Variants in UNK observed in about 807,000 individuals in gnomAD.
The protein encoded by UNK is RING finger protein unkempt homolog.
Under a neutral mutation model 97.6 loss-of-function variants are expected in UNK, and 32 were observed. That is an observed-to-expected ratio of 0.33 (90% CI 0.25 to 0.44). The LOEUF is 0.44. UNK is among the 20% of genes least tolerant of loss of function. The probability of loss-of-function intolerance (pLI) is 1.00; values close to 1 mark genes in which losing one functional copy is unlikely to be tolerated. For synonymous variants in UNK, 441 were observed against 461.2 expected (o/e 0.96, Z 0.56); for missense variants, 771 against 1,098.4 (o/e 0.70, Z 4.21).
Position 75,817,825 on chromosome 17 carries a change from C to G in UNK, c.1306-278C>G, listed in dbSNP as rs2062030771. Among the ~76,000 whole-genome samples, 1 of 152,034 alleles carries G rather than the reference C, an allele frequency of 6.6e-6. No homozygotes were observed. The highest frequency in any genetic ancestry group is 2.1e-4 in the South Asian group (1 of 4,832). Reference sequence around the variant, plus strand: ...AACTGCCTTCATGGAAAGACAGGGCCTGGGGAAGCAGGACACAGGGGTCCC... The same window carrying G: ...AACTGCCTTCATGGAAAGACAGGGCGTGGGGAAGCAGGACACAGGGGTCCC... On this transcript the variant is annotated intron_variant, in intron 9 of 15. Transcript: ENST00000589666. The surrounding 1 kb of genome is among the most constrained non-coding windows in gnomAD (Gnocchi z 5.8).
intron 13 of UNK, chr17:75,821,766 G>A: frequency 2.2e-6 from 1 of 455,920 alleles, no homozygotes; most frequent in South Asian, 1.6e-5. Flanking sequence ...GGGGGCCAGA[G>A]CAGGGGGACC....
chr17:75,797,427 G>C (rs1378277692), intron 1 of UNK, among the ~76,000 whole-genome samples: 1 of 152,214 alleles, frequency 6.6e-6, no homozygotes. Flanking sequence ...TAGAGATGGG[G>C]TTTCCCCATG....
intron 1 of UNK, among the ~76,000 whole-genome samples, chr17:75,800,816 A>G (rs1272707109): frequency 2.0e-5 from 3 of 152,092 alleles, no homozygotes; most frequent in Non-Finnish European, 4.4e-5. Flanking sequence ...CTGCTTGTGC[A>G]CTTCAACTAC....
At chr17:75,789,399 C>T (rs909192977) in intron 1 of UNK, among the ~76,000 whole-genome samples, 11 of 152,044 alleles carry the variant, frequency 7.2e-5, no homozygotes, top group South Asian at 2.1e-4. Context: ...TGCAGTGGCG[C>T]GATCTCGGCT....
Position 75,820,086 on chromosome 17 carries a change from C to G in UNK, c.1815C>G (p.Thr605=). ...AGTCGGAAAACACATTTTTGGGAAC[C>G]TCAGCATCACATGGATCTTTGGGTA... ...LSQSENTFLG[T]SASHGSLGLN... Residue 605 remains threonine (T), a synonymous_variant, in exon 13 of 16, where the codon ACC becomes ACG. Coordinates refer to ENST00000589666, the MANE Select transcript of UNK (RefSeq NM_001080419.3). 6.2e-7 allele frequency: 1 copy of G among 1,612,400 alleles called. No individual in the cohort carries two copies. Among genetic ancestry groups the G allele is most frequent in the South Asian group, 1.1e-5 (1 of 90,842 alleles).
chr17:75,796,049 AG>A (rs1297774621), intron 1 of UNK, among the ~76,000 whole-genome samples: 3 of 152,180 alleles, frequency 2.0e-5, no homozygotes, highest in South Asian at 2.1e-4. Flanking sequence ...CAGGTGCGGT[AG>A]GGAGTTTCAT....
In UNK at chr17:75,813,188, C is replaced by T. The variant is rs1239407979; in HGVS notation, c.733C>T (p.Arg245Trp). Residue 245 changes from arginine (R) to tryptophan (W), a missense_variant, in exon 5 of 16, where the codon CGG becomes TGG. Arg to Trp is a moderately radical substitution (Grantham distance 101, BLOSUM62 -3). This residue lies in a region of UNK where 246 missense variants were observed against 440.7 expected (regional missense o/e 0.56). Transcript: ENST00000589666. Reference sequence around the variant, plus strand: ...CTACCACAACAGCAAGGACCGGCGGCGGAGCCCCCGGAAGCACAAATACAG... The same window carrying T: ...CTACCACAACAGCAAGGACCGGCGGTGGAGCCCCCGGAAGCACAAATACAG... ...PYYHNSKDRR[R>W]SPRKHKYRSS... The T allele has an allele frequency of 6.3e-7, 1 of 1,588,010 alleles. No homozygotes were observed.
chr17:75,807,821 T>G (rs1308599332), intron 1 of UNK, among the ~76,000 whole-genome samples: 1 of 151,382 alleles, frequency 6.6e-6, no homozygotes, highest in Non-Finnish European at 1.5e-5. Flanking sequence ...ACTCCAGACC[T>G]CAGGTGATCC....
At chr17:75,789,484 C>T (rs544733862) in intron 1 of UNK, among the ~76,000 whole-genome samples, 2 of 152,094 alleles carry the variant, frequency 1.3e-5, no homozygotes, top group East Asian at 3.9e-4. Flanking sequence ...GTACAGGCGC[C>T]CGCCACCATG....
At chr17:75,809,362 C>A in intron 1 of UNK, among the ~76,000 whole-genome samples, 1 of 152,208 alleles carries the variant, frequency 6.6e-6, no homozygotes, top group East Asian at 1.9e-4. Context: ...GGCAGGTGGA[C>A]CTGGGTAGCA....
In UNK at chr17:75,818,565, A is replaced by G; in HGVS notation, c.1372-77A>G. 6.7e-7 allele frequency: 1 copy of G among 1,483,822 alleles called. No individual in the cohort carries two copies. The highest frequency in any genetic ancestry group is 9.0e-7 in the Non-Finnish European group (1 of 1,105,678). The allele number at this position is 1,483,822 out of a possible 1,614,324, so 91.9% of individuals were successfully genotyped here. On this transcript the variant is annotated intron_variant, in intron 10 of 15. Transcript: ENST00000589666. This position sits in a 1 kb window ranked among gnomAD's most constrained non-coding sequence, Gnocchi z 5.1. ...AGCACGGGCCATTTCCCTTGCCCCCAGCCCCTCTCCAGCCTCTCGTCCTGG... is the reference window on the plus strand; with the variant it reads ...AGCACGGGCCATTTCCCTTGCCCCCGGCCCCTCTCCAGCCTCTCGTCCTGG...
At chr17:75,808,811 A>T (rs1449612022) in intron 1 of UNK, 1 of 152,322 alleles carries the variant, frequency 6.6e-6, no homozygotes, top group Non-Finnish European at 1.5e-5. Flanking sequence ...AGGGGAGCCC[A>T]GTCTAGGAGA....
intron 1 of UNK, among the ~76,000 whole-genome samples, chr17:75,799,205 G>A (rs1221959385): frequency 1.3e-5 from 2 of 152,062 alleles, no homozygotes; most frequent in Non-Finnish European, 2.9e-5. Context: ...CCAACTACTC[G>A]GGAGGCTGAG....
At chr17:75,810,617 T>TC (rs1296943345) in intron 2 of UNK, among the ~76,000 whole-genome samples, 3 of 152,158 alleles carry the variant, frequency 2.0e-5, no homozygotes, top group Non-Finnish European at 4.4e-5. Flanking sequence ...TCTCCCTCTT[T>TC]CCCCCAGGCT....
chr17:75,789,242 A>C (rs2061740945), intron 1 of UNK, among the ~76,000 whole-genome samples: 1 of 152,176 alleles, frequency 6.6e-6, no homozygotes, highest in African/African-American at 2.4e-5. Context: ...TTATGTCAGA[A>C]GTTCCTTTAT....
At chr17:75,804,364 G>A (rs576626372) in intron 1 of UNK, among the ~76,000 whole-genome samples, 134 of 151,460 alleles carry the variant, frequency 8.8e-4, no homozygotes, top group Non-Finnish European at 1.5e-3. Context: ...CTGAGGCAGG[G>A]GAATCGCTTG....
At chr17:75,809,480 C>T (rs2061948791) in intron 1 of UNK, among the ~76,000 whole-genome samples, 1 of 152,240 alleles carries the variant, frequency 6.6e-6, no homozygotes, top group Admixed American at 6.5e-5. Context: ...GAGAACCAAG[C>T]TGCTGATTAA....
At chr17:75,792,785 T>C (rs938421918) in intron 1 of UNK, 2 of 152,330 alleles carry the variant, frequency 1.3e-5, no homozygotes, top group African/African-American at 2.4e-5. Flanking sequence ...ACCACTGAAA[T>C]GTACAAGTGG....
At position 75,785,089 on chromosome 17, in the gene UNK, C is replaced by T. The variant is rs114424860; in HGVS notation, c.104+105C>T. The T allele has an allele frequency of 1.3e-3, 992 of 735,310 alleles. 8 individuals are homozygous for T. The African/African-American group carries it at 0.016, about 12-fold the overall frequency. 45.5% of individuals were successfully genotyped at this position (735,310 alleles called of 1,614,324 possible). ...CGCGAGGCGGCCTCTTCCTCCCCCC[C>T]TTCCTCCTCCGGCCCGGCCCAGACC... On this transcript the variant is annotated intron_variant, in intron 1 of 15. Transcript: ENST00000589666.
Sources: gnomAD v4.1 joint callset for allele counts (sites outside exome capture counted in the v4.1 genomes callset) on GRCh38, gnomAD v4.1.1 for gene constraint, gnomAD v4.1.1 regional missense constraint, Gnocchi (gnomAD v3.1) non-coding constraint, MANE v1.5 for transcripts, NCBI Gene and HGNC (gene_info 2026-07-23, HGNC 2026-07-21) for gene names.